The following B4GALNT1 variants were observed in gnomAD, a reference collection of about 807,000 sequenced individuals.
The protein encoded by B4GALNT1 is beta-1,4 N-acetylgalactosaminyltransferase 1.
In B4GALNT1, 43 loss-of-function variants were observed where a neutral mutation model predicts 55.2. The ratio of observed to expected loss-of-function variants is 0.78; its 90% CI spans 0.61 to 1.00. The LOEUF (loss-of-function observed/expected upper bound fraction) is 1.00. B4GALNT1 is among the 50% of genes least tolerant of loss of function. B4GALNT1 has a pLI of 0.00. For synonymous variants in B4GALNT1, 305 were observed against 311.6 expected (o/e 0.98, Z 0.22); for missense variants, 664 against 729.7 (o/e 0.91, Z 1.04).
At position 57,631,976 on chromosome 12, in the gene B4GALNT1, C is replaced by T. The variant is rs1044386174; in HGVS notation, c.157G>A (p.Asp53Asn). Reference protein sequence around the residue: ...PQSPRRPELPDLAPEPRYAHI... With the variant: ...PQSPRRPELPNLAPEPRYAHI... ...GCGTAGCGGGGCTCAGGAGCAAGAT[C>T]TGGCAGCTCGGGCCTGCGGGGGCTT... The change falls in exon 2 of 11, where the codon GAT becomes AAT. Residue 53 changes from aspartate (D) to asparagine (N), a missense_variant. Physicochemically the swap from Asp to Asn is conservative, Grantham distance 23. Transcript: ENST00000341156. 2 of 1,458,066 alleles carry T rather than the reference C, an allele frequency of 1.4e-6. No homozygotes were observed. Among genetic ancestry groups the T allele is most frequent in the African/African-American group, 2.9e-5 (2 of 68,910 alleles). 90.3% of individuals were successfully genotyped at this position (1,458,066 alleles called of 1,614,324 possible).
Position 57,624,127 on chromosome 12 carries a change from C to T in B4GALNT1, c.*2617G>A, listed in dbSNP as rs756617762. ...AGAAATGCCATTACCCCCAGATTGC[C>T]CCCTCTCATCTTGTTAGCATCCCCA... On this transcript the variant is annotated 3_prime_UTR_variant, in exon 11 of 11. Coordinates refer to ENST00000341156, the MANE Select transcript of B4GALNT1 (RefSeq NM_001478.5). 6.2e-7 allele frequency: 1 copy of T among 1,607,112 alleles called. No individual in the cohort carries two copies. The highest frequency in any genetic ancestry group is 8.5e-7 in the Non-Finnish European group (1 of 1,174,550).
chr12:57,629,016 T>A (rs1565740385), intron 7 of B4GALNT1, 32 bp downstream of exon 7: 1 of 1,589,352 alleles, frequency 6.3e-7, no homozygotes, highest in Non-Finnish European at 8.6e-7. Flanking sequence ...CCAAGGCTGG[T>A]TCTAATATGT....
In B4GALNT1 at chr12:57,627,815, T is replaced by G; in HGVS notation, c.1187A>C (p.Tyr396Ser). 1 of 1,594,314 alleles carries G rather than the reference T, an allele frequency of 6.3e-7. No individual in the cohort carries two copies. Among genetic ancestry groups the G allele is most frequent in the Non-Finnish European group, 8.6e-7 (1 of 1,168,794 alleles). The change falls in exon 10 of 11, where the codon TAT becomes TCT. Residue 396 changes from tyrosine (Y) to serine (S), a missense_variant. By Grantham distance (144) the Tyr-to-Ser change is moderately radical. Transcript: ENST00000341156. ...VREISGFATT[Y>S]RQLLSVEPGA... ...GGGCTCCACGCTCAGCAGCTGCCGA[T>G]AAGTGGTGGCAAAGCCGGAGATCTC... is the stretch of plus-strand genomic sequence containing the variant.
In B4GALNT1 at chr12:57,623,472, C is replaced by T; in HGVS notation, c.*3272G>A. On this transcript the variant is annotated 3_prime_UTR_variant, in exon 11 of 11. Transcript: ENST00000341156. ...TGACATTGTCTTTTAAAAGGAATAT[C>T]ACATATCAAAGTCTCCCCCTAATAT... is the stretch of plus-strand genomic sequence containing the variant. The T allele has an allele frequency of 2.3e-6, 1 of 442,160 alleles. No homozygotes were observed. Among genetic ancestry groups the T allele is most frequent in the Non-Finnish European group, 4.0e-6 (1 of 249,644 alleles). 27.4% of individuals were successfully genotyped at this position (442,160 alleles called of 1,614,324 possible). A position where few individuals can be genotyped will look rare whatever the true frequency, so the allele number is the denominator to read the frequency against.
Position 57,624,227 on chromosome 12 carries a change from C to G in B4GALNT1, c.*2517G>C. 3 of 843,462 alleles carry G rather than the reference C, an allele frequency of 3.6e-6. No individual in the cohort carries two copies. Among genetic ancestry groups the G allele is most frequent in the Non-Finnish European group, 5.6e-6 (3 of 531,242 alleles). 52.2% of individuals were successfully genotyped at this position (843,462 alleles called of 1,614,324 possible). A position where few individuals can be genotyped will look rare whatever the true frequency, so the allele number is the denominator to read the frequency against. On this transcript the variant is annotated 3_prime_UTR_variant, in exon 11 of 11. Transcript: ENST00000341156. ...CCACCCACTCCCCCAGCAAACATAA[C>G]TCCTAGTATGCTTTACTCACAGGCA...
Position 57,631,047 on chromosome 12 carries a change from G to A in B4GALNT1, c.423C>T (p.Ala141=). The change falls in exon 4 of 11, where the codon GCC becomes GCT. Residue 141 remains alanine, a synonymous_variant. Transcript: ENST00000341156. The part of the protein sequence containing the change: ...SPADQLLIAP[A]NSPLQYPLQG... ...GTAGGGGGTACTGGAGCGGGGAGTT[G>A]GCAGGGGCTATGAGCAGCTGGTCAG... 1 of 1,613,060 alleles carries A rather than the reference G, an allele frequency of 6.2e-7. No homozygotes were observed. Among genetic ancestry groups the A allele is most frequent in the South Asian group, 1.1e-5 (1 of 91,024 alleles).
At chr12:57,630,842 C>T in intron 4 of B4GALNT1, 138 bp downstream of exon 4, 4 of 855,534 alleles carry the variant, frequency 4.7e-6, no homozygotes, top group East Asian at 2.6e-5. Flanking sequence ...CCTCCTAAGC[C>T]GCCGTTTGAG....
chr12:57,629,210 CA>C, intron 6 of B4GALNT1, 64 bp from the exon 7 acceptor site: 2 of 1,390,154 alleles, frequency 1.4e-6, no homozygotes, highest in Admixed American at 5.0e-5. Flanking sequence ...TTCAGCCAAT[CA>C]ATATTTAAGT....
chr12:57,623,604 T>C lies in B4GALNT1; in HGVS notation c.*3140A>G, dbSNP rs928294616. The C allele has an allele frequency of 3.7e-6, 2 of 546,408 alleles. No homozygotes were observed. Among genetic ancestry groups the C allele is most frequent in the Admixed American group, 3.4e-5 (1 of 29,444 alleles). The allele number at this position is 546,408 out of a possible 1,614,324, so 33.8% of individuals were successfully genotyped here. On this transcript the variant is annotated 3_prime_UTR_variant, in exon 11 of 11. Transcript: ENST00000341156. ...AGGTGGGCTACAAAACTGGGGAACT[T>C]GAACAATGGACATCTACAAGGAGAC... is the stretch of plus-strand genomic sequence containing the variant.
In B4GALNT1 at chr12:57,627,809, TGCCGATAAGTGGTGGCAAA is replaced by T. The variant is rs1235017214; in HGVS notation, c.1174_1192del (p.Phe392SerfsTer3). The T allele has an allele frequency of 6.3e-7, 1 of 1,594,444 alleles. No homozygotes were observed. Among genetic ancestry groups the T allele is most frequent in the East Asian group, 2.3e-5 (1 of 44,178 alleles). ...GGCGCCGGGCTCCACGCTCAGCAGC[TGCCGATAAGTGGTGGCAAA>T]GCCGGAGATCTCGCGCACCGCGCCC... On this transcript the variant is annotated frameshift_variant, in exon 10 of 11. Coordinates refer to ENST00000341156, the MANE Select transcript of B4GALNT1 (RefSeq NM_001478.5). LOFTEE classifies it high-confidence loss of function.
chr12:57,626,696 G>C lies in B4GALNT1; in HGVS notation c.*48C>G. On this transcript the variant is annotated 3_prime_UTR_variant, in exon 11 of 11. Transcript: ENST00000341156. Reference sequence around the variant, plus strand: ...GGGTTTGTTGGAAATTCCTGGCAGGGACAAGGAGGCAGGCCCAGCCTGACA... The same window carrying C: ...GGGTTTGTTGGAAATTCCTGGCAGGCACAAGGAGGCAGGCCCAGCCTGACA... The C allele has an allele frequency of 2.5e-6, 4 of 1,604,860 alleles. No individual in the cohort carries two copies. Among genetic ancestry groups the C allele is most frequent in the Non-Finnish European group, 3.4e-6 (4 of 1,172,468 alleles).
intron 10 of B4GALNT1, 95 bp downstream of exon 10, chr12:57,627,523 G>GGGCGCGGGTGCAGCCTAGGAGGAGA: frequency 6.9e-7 from 1 of 1,450,734 alleles, no homozygotes; most frequent in Non-Finnish European, 9.1e-7. Flanking sequence ...GCTGGCGGCT[G>GGGCGCGGGTGCAGCCTAGGAGGAGA]GGCGCGGGTG....
intron 8 of B4GALNT1, 171 bp from the exon 9 acceptor site, chr12:57,628,433 C>G (rs1884984626): frequency 2.9e-6 from 3 of 1,030,354 alleles, no homozygotes; most frequent in South Asian, 3.3e-5. Flanking sequence ...ACAGAGGTTC[C>G]AAGTCAGTGG....
chr12:57,627,865 GGA>G lies in B4GALNT1; in HGVS notation c.1144-9_1144-8del. 1 of 1,572,374 alleles carries G rather than the reference GGA, an allele frequency of 6.4e-7. No individual in the cohort carries two copies. The highest frequency in any genetic ancestry group is 8.6e-7 in the Non-Finnish European group (1 of 1,158,366). ...CGCGCACCGCGCCCCCCACCTGCAGGGAGAGGGAGGTTGCCTCCAGGCGGGCC... is the reference window on the plus strand; with the variant it reads ...CGCGCACCGCGCCCCCCACCTGCAGGGAGGGAGGTTGCCTCCAGGCGGGCC... On this transcript the variant is annotated splice_region_variant and splice_polypyrimidine_tract_variant and intron_variant, in intron 9 of 10. Transcript: ENST00000341156.
rs755581518 is a variant in B4GALNT1, at chr12:57,631,032, C to A, written c.438G>T (p.Gln146His). Residue 146 changes from glutamine (Q) to histidine (H), a missense_variant, in exon 4 of 11, where the codon CAG (glutamine) becomes CAT (histidine). Physicochemically the swap from Gln to His is conservative, Grantham distance 24 (BLOSUM62 0). Transcript: ENST00000341156. Reference sequence around the variant, plus strand: ...GAACTTCCACACCCTGTAGGGGGTACTGGAGCGGGGAGTTGGCAGGGGCTA... The same window carrying A: ...GAACTTCCACACCCTGTAGGGGGTAATGGAGCGGGGAGTTGGCAGGGGCTA... The part of the protein sequence containing the change: ...LLIAPANSPL[Q>H]YPLQGVEVQP... 3 of 1,613,274 alleles carry A rather than the reference C, an allele frequency of 1.9e-6. No individual in the cohort carries two copies. The highest frequency in any genetic ancestry group is 2.5e-6 in the Non-Finnish European group (3 of 1,179,804).
rs1245621109 is a variant in B4GALNT1 at position 57,632,761 on chromosome 12, C to G, written c.-2+11G>C. On this transcript the variant is annotated intron_variant, in intron 1 of 10. Transcript: ENST00000341156. The stretch of plus-strand genomic sequence containing the variant: ...AACCAATCCCACCCCCACCCACCCC[C>G]GGGCACTGACCTGTCTAACGCTCTA... 1 of 173,872 alleles carries G rather than the reference C, an allele frequency of 5.8e-6. No homozygotes were observed. The highest frequency in any genetic ancestry group is 1.1e-4 in the South Asian group (1 of 8,830). 10.8% of individuals were successfully genotyped at this position (173,872 alleles called of 1,614,324 possible).
chr12:57,631,734 G>A (rs911842965), intron 2 of B4GALNT1, among the ~76,000 whole-genome samples, 181 bp downstream of exon 2: 2 of 152,114 alleles, frequency 1.3e-5, no homozygotes, highest in African/African-American at 4.8e-5. Flanking sequence ...CCCATGGCAA[G>A]GTTCAGGGAG....
rs150124856 is a variant in B4GALNT1, at chr12:57,625,296, C to T, written c.*1448G>A. ...AGTGGTGTCACCTTTGCAGATGCTG[C>T]TGGGGCCAGAGAAGTGGTGCAGGTG... is the stretch of plus-strand genomic sequence containing the variant. On this transcript the variant is annotated 3_prime_UTR_variant, in exon 11 of 11. Coordinates refer to ENST00000341156, the MANE Select transcript of B4GALNT1 (RefSeq NM_001478.5). 8.1e-5 allele frequency: 130 copies of T among 1,613,992 alleles called. No individual in the cohort carries two copies. Among genetic ancestry groups the T allele is most frequent in the Non-Finnish European group, 1.0e-4 (122 of 1,180,016 alleles).
In B4GALNT1 at chr12:57,624,107, T is replaced by C. The variant is rs1174088687; in HGVS notation, c.*2637A>G. 2 of 1,613,716 alleles carry C rather than the reference T, an allele frequency of 1.2e-6. No individual in the cohort carries two copies. Among genetic ancestry groups the C allele is most frequent in the Non-Finnish European group, 1.7e-6 (2 of 1,179,814 alleles). ...TCAGCCGAGTGGACTTTGTGAGAAA[T>C]GCCATTACCCCCAGATTGCCCCCTC... On this transcript the variant is annotated 3_prime_UTR_variant, in exon 11 of 11. Transcript: ENST00000341156.
Sources: allele counts gnomAD v4.1 joint callset (sites outside exome capture counted in the v4.1 genomes callset), GRCh38; gene constraint gnomAD v4.1.1; transcripts MANE v1.5; gene names NCBI Gene and HGNC (gene_info 2026-07-23, HGNC 2026-07-21).